The following SGIP1 variants were observed in gnomAD, a reference collection of about 807,000 sequenced individuals.
SGIP1 encodes SH3GL interacting endocytic adaptor 1, also known as SH3-containing GRB2-like protein 3-interacting protein 1.
A neutral mutation model predicts 107.5 loss-of-function variants in SGIP1; 38 were observed. That is an observed-to-expected ratio of 0.35 (90% CI 0.27 to 0.46). The LOEUF is 0.46. Ranked by LOEUF, SGIP1 falls within the 20% of genes least tolerant of loss-of-function variation. SGIP1 has a pLI of 1.00. For synonymous variants in SGIP1, 365 were observed against 366.1 expected (o/e 1.00, Z 0.03); for missense variants, 929 against 1,019.5 (o/e 0.91, Z 1.21).
intron 1 of SGIP1, 43 bp downstream of exon 1, chr1:66,534,411 T>C: frequency 1.9e-6 from 3 of 1,612,682 alleles, no homozygotes; most frequent in Middle Eastern, 1.6e-4. Context: ...CAGGCAAGGT[T>C]TGGGCAGAAC....
At chr1:66,724,928 T>G (rs1389352445) in intron 19 of SGIP1, among the ~76,000 whole-genome samples, 1 of 152,178 alleles carries the variant, frequency 6.6e-6, no homozygotes, top group African/African-American at 2.4e-5. Context: ...GCTCTAATTG[T>G]TTTCTAATAG....
At chr1:66,690,407 T>A in intron 17 of SGIP1, 91 bp downstream of exon 17, 2 of 1,539,696 alleles carry the variant, frequency 1.3e-6, no homozygotes, top group Non-Finnish European at 1.8e-6. Context: ...TGTTTCTGGT[T>A]GAAATTGTTT....
At chr1:66,546,687 T>C (rs755656571) in intron 1 of SGIP1, among the ~76,000 whole-genome samples, 1 of 152,256 alleles carries the variant, frequency 6.6e-6, no homozygotes, top group Non-Finnish European at 1.5e-5. Flanking sequence ...CGTTGGATTC[T>C]AGTCCTGGCA....
intron 1 of SGIP1, among the ~76,000 whole-genome samples, chr1:66,620,525 G>T (rs2070763656): frequency 6.6e-6 from 1 of 152,010 alleles, no homozygotes; most frequent in South Asian, 2.1e-4. Context: ...GTCTTACATG[G>T]CAGCAGAGAA....
In SGIP1 at chr1:66,748,187, T is replaced by G. The variant is rs1385356397; in HGVS notation, c.*5092T>G. The stretch of plus-strand genomic sequence containing the variant: ...TATCTAAATGCCATTCTCTCACTTA[T>G]GAATTAAATATGGCTACCATTAATG... On this transcript the variant is annotated 3_prime_UTR_variant, in exon 25 of 25. Coordinates refer to ENST00000371037, the MANE Select transcript of SGIP1 (RefSeq NM_032291.4). The G allele has an allele frequency of 1.3e-5, 2 of 152,010 alleles. No homozygotes were observed. Among genetic ancestry groups the G allele is most frequent in the Non-Finnish European group, 2.9e-5 (2 of 67,866 alleles). 9.4% of individuals were successfully genotyped at this position (152,010 alleles called of 1,614,324 possible). A position where few individuals can be genotyped will look rare whatever the true frequency, so the allele number is the denominator to read the frequency against.
At chr1:66,640,461 A>G (rs976416239) in intron 5 of SGIP1, among the ~76,000 whole-genome samples, 4 of 152,168 alleles carry the variant, frequency 2.6e-5, no homozygotes, top group Non-Finnish European at 5.9e-5. Flanking sequence ...CTCTGGGCAA[A>G]GGCCTAACAT....
intron 3 of SGIP1, 99 bp from the exon 4 acceptor site, chr1:66,635,845 A>G (rs2075670176): frequency 5.6e-6 from 7 of 1,249,832 alleles, no homozygotes; most frequent in South Asian, 1.3e-5. Flanking sequence ...GGTTTCTTCT[A>G]TGGTATGTTT....
chr1:66,542,574 A>G lies in SGIP1; in HGVS notation c.10+8206A>G, dbSNP rs143034639. On this transcript the variant is annotated intron_variant, in intron 1 of 24. Transcript: ENST00000371037. ...CAGGTAGTGTAGACAGCGTGGATACACTGGACAAAGGACTGATTCGTGTCC... is the reference window on the plus strand; with the variant it reads ...CAGGTAGTGTAGACAGCGTGGATACGCTGGACAAAGGACTGATTCGTGTCC... Among the ~76,000 whole-genome samples the G allele has an allele frequency of 1.6e-4, 24 of 152,318 alleles. No homozygotes were observed. In the East Asian group the frequency reaches 3.9e-3, roughly 24 times the overall value.
At chr1:66,536,150 T>G (rs1167365405) in intron 1 of SGIP1, among the ~76,000 whole-genome samples, 1 of 152,242 alleles carries the variant, frequency 6.6e-6, no homozygotes, top group Non-Finnish European at 1.5e-5. Context: ...AAATGAGAAC[T>G]GCAACAAAGA....
At chr1:66,697,906 C>T (rs146762334) in intron 18 of SGIP1, among the ~76,000 whole-genome samples, 39 of 152,034 alleles carry the variant, frequency 2.6e-4, no homozygotes, top group South Asian at 8.3e-4. Context: ...CTGGTTTTAC[C>T]CACATTTGTT....
intron 1 of SGIP1, among the ~76,000 whole-genome samples, chr1:66,534,862 A>G (rs538152760): frequency 6.6e-6 from 1 of 152,344 alleles, no homozygotes; most frequent in Admixed American, 6.5e-5. Context: ...AGTTTACATC[A>G]TATTATTGGG....
chr1:66,657,483 T>C (rs2080017848), intron 7 of SGIP1, among the ~76,000 whole-genome samples: 1 of 152,236 alleles, frequency 6.6e-6, no homozygotes, highest in African/African-American at 2.4e-5. Flanking sequence ...CAATTTTGAA[T>C]TGGTTTCTAA....
intron 13 of SGIP1, among the ~76,000 whole-genome samples, chr1:66,678,882 C>T (rs914519068): frequency 9.2e-5 from 14 of 152,092 alleles, no homozygotes; most frequent in African/African-American, 3.4e-4. Context: ...TTTGGGATGG[C>T]CTGTGAAATT....
At chr1:66,588,499 C>A (rs2063008506) in intron 1 of SGIP1, among the ~76,000 whole-genome samples, 1 of 152,030 alleles carries the variant, frequency 6.6e-6, no homozygotes, top group African/African-American at 2.4e-5. Flanking sequence ...CTATTTGAGA[C>A]CATATACTCC....
At chr1:66,555,656 T>C (rs1429488657) in intron 1 of SGIP1, among the ~76,000 whole-genome samples, 1 of 152,176 alleles carries the variant, frequency 6.6e-6, no homozygotes, top group African/African-American at 2.4e-5. Flanking sequence ...TATGGTCTTG[T>C]AGTTTCAGAG....
intron 18 of SGIP1, among the ~76,000 whole-genome samples, chr1:66,715,249 G>C (rs908361390): frequency 2.6e-5 from 4 of 152,112 alleles, no homozygotes; most frequent in African/African-American, 9.7e-5. Context: ...TAGCAATAAG[G>C]AATATTGTAA....
intron 2 of SGIP1, among the ~76,000 whole-genome samples, chr1:66,627,567 C>T (rs2073173459): frequency 6.6e-6 from 1 of 152,106 alleles, no homozygotes; most frequent in Non-Finnish European, 1.5e-5. Flanking sequence ...ATTGGGCGAA[C>T]AAAGTTATTT....
intron 18 of SGIP1, among the ~76,000 whole-genome samples, chr1:66,714,306 A>C (rs938583617): frequency 6.6e-6 from 1 of 151,986 alleles, no homozygotes; most frequent in African/African-American, 2.4e-5. Context: ...AGTCTATATG[A>C]CTCTAGAGTC....
At chr1:66,566,373 A>G (rs1379744301) in intron 1 of SGIP1, among the ~76,000 whole-genome samples, 1 of 152,026 alleles carries the variant, frequency 6.6e-6, no homozygotes, top group Non-Finnish European at 1.5e-5. Context: ...ATAATTTGGA[A>G]AAGGTAACTT....
Sources: allele counts gnomAD v4.1 joint callset (sites outside exome capture counted in the v4.1 genomes callset), GRCh38; gene constraint gnomAD v4.1.1; transcripts MANE v1.5; gene names NCBI Gene and HGNC (gene_info 2026-07-23, HGNC 2026-07-21).